EP300: variants seen among roughly 807,000 people sequenced by gnomAD.
EP300 encodes the protein EP300 lysine acetyltransferase, also known as histone acetyltransferase p300.
A neutral mutation model predicts 264.0 loss-of-function variants in EP300; 31 were observed. The observed-to-expected ratio is 0.12, with a 90% CI of 0.09 to 0.16. The LOEUF is 0.16. Ranked by LOEUF, EP300 falls within the 10% of genes least tolerant of loss-of-function variation. EP300 has a pLI of 1.00. For synonymous variants in EP300, 1,340 were observed against 1,045.4 expected, an observed-to-expected ratio of 1.28 and a Z score of -5.44; for missense variants, 2,766 against 3,052.9, an observed-to-expected ratio of 0.91 and a Z score of 2.21.
intron 23 of EP300, 161 bp from the exon 24 acceptor site, chr22:41,168,288 T>G: frequency 1.4e-6 from 1 of 735,308 alleles, no homozygotes; most frequent in Non-Finnish European, 2.3e-6. Flanking sequence ...TCATATGACA[T>G]GTAAATCTGC....
chr22:41,114,410 C>G (rs1023443550), intron 1 of EP300, among the ~76,000 whole-genome samples: 1 of 152,060 alleles, frequency 6.6e-6, no homozygotes. Flanking sequence ...CTGCTGAGCT[C>G]GAGCCGTCTG....
intron 1 of EP300, among the ~76,000 whole-genome samples, chr22:41,101,082 T>C (rs2058729281): frequency 6.8e-6 from 1 of 147,774 alleles, no homozygotes; most frequent in South Asian, 2.1e-4. Flanking sequence ...GCATATTCTT[T>C]CTTCTTTTTA....
At chr22:41,143,075 A>G (rs916883167) in intron 10 of EP300, among the ~76,000 whole-genome samples, 2 of 152,218 alleles carry the variant, frequency 1.3e-5, no homozygotes, top group Non-Finnish European at 2.9e-5. Flanking sequence ...CCTTAAGTAT[A>G]TGTTGACCTT....
At position 41,135,813 on chromosome 22, in the gene EP300, G is replaced by A; in HGVS notation, c.1529G>A (p.Ser510Asn). ...CTCCTGTTATTTCATTTTGACTTAG[G>A]TGCTAGTCCTATGGGAGTAAATGGA... Reference protein sequence around the residue: ...PQGMRPMSNMSASPMGVNGGV... With the variant: ...PQGMRPMSNMNASPMGVNGGV... The change falls in exon 7 of 31, where the codon AGT becomes AAT. Residue 510 changes from serine (S) to asparagine (N), a missense_variant and splice_region_variant. Transcript: ENST00000263253. The A allele has an allele frequency of 5.6e-6, 9 of 1,609,152 alleles. No individual in the cohort carries two copies. Among genetic ancestry groups the A allele is most frequent in the Non-Finnish European group, 6.8e-6 (8 of 1,175,548 alleles).
chr22:41,126,197 T>G, intron 3 of EP300, 157 bp downstream of exon 3: 1 of 713,508 alleles, frequency 1.4e-6, no homozygotes, highest in Non-Finnish European at 2.3e-6. Flanking sequence ...GGCTTGTGCT[T>G]CCTTTCCATT....
chr22:41,141,800 C>G (rs1320155811), intron 10 of EP300, among the ~76,000 whole-genome samples: 1 of 152,038 alleles, frequency 6.6e-6, no homozygotes, highest in African/African-American at 2.4e-5. Context: ...CCTCAGCCTT[C>G]CGAGTAGCTG....
intron 22 of EP300, 33 bp from the exon 23 acceptor site, chr22:41,166,562 TCTAA>T: frequency 6.4e-7 from 1 of 1,554,650 alleles, no homozygotes. Context: ...CAACGGTTTA[TCTAA>T]GTTGTGTAAG....
At chr22:41,106,789 G>T (rs1231892356) in intron 1 of EP300, among the ~76,000 whole-genome samples, 1 of 152,088 alleles carries the variant, frequency 6.6e-6, no homozygotes, top group Non-Finnish European at 1.5e-5. Flanking sequence ...TAGAGGCAGG[G>T]TCTTGCTATG....
intron 1 of EP300, among the ~76,000 whole-genome samples, chr22:41,100,923 A>G (rs2058728397): frequency 6.6e-6 from 1 of 152,126 alleles, no homozygotes; most frequent in African/African-American, 2.4e-5. Context: ...TATACAAGAC[A>G]TCTTATATAT....
In EP300 at chr22:41,105,727, T is replaced by C. The variant is rs754663181; in HGVS notation, c.95-11460T>C. Among the ~76,000 whole-genome samples, 15 of 152,284 alleles carry C rather than the reference T, an allele frequency of 9.9e-5. No homozygotes were observed. The Middle Eastern group carries it at 0.014, about 138-fold the overall frequency. ...GGGTTTAAAAAGAATAAACTTCAAG[T>C]TAATCTCTTCCCAAAGTATAAGTAT... On this transcript the variant is annotated intron_variant, in intron 1 of 30. Coordinates refer to ENST00000263253, the MANE Select transcript of EP300 (RefSeq NM_001429.4).
At chr22:41,117,014 G>A (rs537057785) in intron 1 of EP300, among the ~76,000 whole-genome samples, 173 bp from the exon 2 acceptor site, 18 of 152,256 alleles carry the variant, frequency 1.2e-4, no homozygotes, top group East Asian at 3.9e-4. Flanking sequence ...AGCCAAGATC[G>A]CGCACCACTG....
intron 26 of EP300, 62 bp downstream of exon 26, chr22:41,169,678 G>A (rs1256094384): frequency 5.3e-6 from 5 of 941,206 alleles, no homozygotes; most frequent in Non-Finnish European, 6.9e-6. Context: ...GTGAGATATA[G>A]GTTAAATATG....
chr22:41,107,446 T>A (rs1249662360), intron 1 of EP300, among the ~76,000 whole-genome samples: 1 of 151,594 alleles, frequency 6.6e-6, no homozygotes, highest in East Asian at 1.9e-4. Flanking sequence ...AGTGTAACTG[T>A]GAGAGATACT....
In EP300 at chr22:41,177,075, C is replaced by T. The variant is rs143551315; in HGVS notation, c.5364C>T (p.Leu1788=). Residue 1788 remains leucine (L), a synonymous_variant, in exon 31 of 31, where the codon CTC becomes CTT. Coordinates refer to ENST00000263253, the MANE Select transcript of EP300 (RefSeq NM_001429.4). Reference sequence around the variant, plus strand: ...CCATCTGCAAGCAGCTCATTGCCCTCTGCTGCTACCATGCCAAGCACTGCC... The same window carrying T: ...CCATCTGCAAGCAGCTCATTGCCCTTTGCTGCTACCATGCCAAGCACTGCC... ...GCPICKQLIA[L]CCYHAKHCQE... 8.3e-5 allele frequency: 134 copies of T among 1,614,160 alleles called. No individual in the cohort carries two copies. The African/African-American group carries it at 1.5e-3, about 18-fold the overall frequency.
rs551938622 is a variant in EP300, at chr22:41,104,771, G to C, written c.94+11673G>C. On this transcript the variant is annotated intron_variant, in intron 1 of 30. Coordinates refer to ENST00000263253, the MANE Select transcript of EP300 (RefSeq NM_001429.4). ...GCAGTGGCCTACACCTGTAATCCCA[G>C]CACTTTGGGAGGCTGAGGCAGGTGG... Among the ~76,000 whole-genome samples the C allele has an allele frequency of 3.9e-5, 6 of 152,182 alleles. No individual in the cohort carries two copies. The South Asian group carries it at 1.2e-3, about 32-fold the overall frequency.
At chr22:41,171,690 A>G (rs886278671) in intron 27 of EP300, among the ~76,000 whole-genome samples, 17 of 150,760 alleles carry the variant, frequency 1.1e-4, no homozygotes, top group African/African-American at 4.2e-4. Context: ...CTGGAGTGCA[A>G]TGGTGCAGTC....
At chr22:41,114,726 T>G in intron 1 of EP300, among the ~76,000 whole-genome samples, 1 of 151,438 alleles carries the variant, frequency 6.6e-6, no homozygotes, top group East Asian at 1.9e-4. Context: ...TGAGGGGTGG[T>G]CACAAGGGAT....
rs537593150 is a variant in EP300, at chr22:41,160,431, C to CA, written c.3591-202dup. 0.015 allele frequency: 5,574 copies of CA among 360,194 alleles called. 34 individuals are homozygous for CA. The highest frequency in any genetic ancestry group is 0.019 in the Non-Finnish European group (3,777 of 198,340). The allele number at this position is 360,194 out of a possible 1,614,324, so 22.3% of individuals were successfully genotyped here. ...TTGGCTTTGATTGCAAAAAAAAAAA[C>CA]AAAAAAAAACAAAAAAACAAACAAA... is the stretch of plus-strand genomic sequence containing the variant. On this transcript the variant is annotated intron_variant, in intron 19 of 30. Transcript: ENST00000263253.
In EP300 at chr22:41,112,079, G is replaced by A. The variant is rs183560294; in HGVS notation, c.95-5108G>A. The stretch of plus-strand genomic sequence containing the variant: ...ATTTTTTGTATTTTTTAGTAGAGAC[G>A]GGGTTTCACTGTGTTAGCCAGGATG... On this transcript the variant is annotated intron_variant, in intron 1 of 30. Transcript: ENST00000263253. Among the ~76,000 whole-genome samples the A allele has an allele frequency of 1.8e-3, 274 of 150,700 alleles. 2 individuals are homozygous for A. The East Asian group carries it at 0.019, about 10-fold the overall frequency.
Sources: allele counts gnomAD v4.1 joint callset (sites outside exome capture counted in the v4.1 genomes callset), GRCh38; gene constraint gnomAD v4.1.1; transcripts MANE v1.5; gene names NCBI Gene and HGNC (gene_info 2026-07-23, HGNC 2026-07-21).